DACH2: variants seen among roughly 807,000 people sequenced by gnomAD.
The protein encoded by DACH2 is dachshund homolog 2.
A neutral mutation model predicts 35.8 loss-of-function variants in DACH2; 17 were observed. The ratio of observed to expected loss-of-function variants is 0.48; its 90% CI spans 0.33 to 0.71. The LOEUF is 0.71. DACH2 is among the 30% of genes least tolerant of loss of function. The pLI, the probability that DACH2 is intolerant of heterozygous loss-of-function variation, is 0.02. For missense variants in DACH2, 469 were observed against 472.7 expected (o/e 0.99, Z 0.07); for synonymous variants, 195 against 177.3 (o/e 1.10, Z -0.79).
chrX:86,561,919 A>G (rs12558392), intron 3 of DACH2, among the ~76,000 whole-genome samples: 13,854 of 95,611 alleles, frequency 0.14, 1,287 homozygotes, highest in African/African-American at 0.3. Flanking sequence ...AAAAAAAAAA[A>G]AGAGAATTCA....
At chrX:86,435,335 T>G (rs2037050641) in intron 2 of DACH2, among the ~76,000 whole-genome samples, 1 of 111,874 alleles carries the variant, frequency 8.9e-6, no homozygotes, top group East Asian at 2.8e-4. Context: ...GGTTTTCAAG[T>G]TTGGTTAAAT....
rs187737043 is a variant in DACH2, at chrX:86,813,314, T to A, written c.1537+37T>A. ...AAGTTCAATTACAGAGTGAATATTATGTTGGGGGTATTTTCAATACTAATG... is the reference window on the plus strand; with the variant it reads ...AAGTTCAATTACAGAGTGAATATTAAGTTGGGGGTATTTTCAATACTAATG... On this transcript the variant is annotated intron_variant, in intron 9 of 11. Coordinates refer to ENST00000373125, the MANE Select transcript of DACH2 (RefSeq NM_053281.3). The A allele has an allele frequency of 3.6e-5, 41 of 1,126,316 alleles. 1 individual carries two copies. The Admixed American group carries it at 7.8e-4, about 21-fold the overall frequency. The allele number at this position is 1,126,316 out of a possible 1,213,427, so 92.8% of individuals were successfully genotyped here.
chrX:86,308,289 A>C (rs776135924), intron 1 of DACH2, among the ~76,000 whole-genome samples: 4 of 112,714 alleles, frequency 3.5e-5, no homozygotes, highest in African/African-American at 6.4e-5. Context: ...ACAAAATTTA[A>C]ATACAATGGG....
At chrX:86,217,598 GCAT>G (rs2032608297) in intron 1 of DACH2, among the ~76,000 whole-genome samples, 2 of 111,602 alleles carry the variant, frequency 1.8e-5, no homozygotes, top group South Asian at 7.5e-4. Context: ...CATATAAAAT[GCAT>G]ACAGTGTTAG....
At chrX:86,197,948 A>C (rs1036224689) in intron 1 of DACH2, among the ~76,000 whole-genome samples, 3 of 112,069 alleles carry the variant, frequency 2.7e-5, no homozygotes, top group Non-Finnish European at 3.8e-5. Context: ...ACCCAAAGAC[A>C]ACAGAATATA....
At chrX:86,178,356 T>C (rs1026519795) in intron 1 of DACH2, among the ~76,000 whole-genome samples, 1 of 111,604 alleles carries the variant, frequency 9.0e-6, no homozygotes, top group Non-Finnish European at 1.9e-5. Flanking sequence ...AAAGTGTTTA[T>C]GTTTTCTCTC....
At chrX:86,404,603 T>C (rs1478845420) in intron 2 of DACH2, among the ~76,000 whole-genome samples, 1 of 112,324 alleles carries the variant, frequency 8.9e-6, no homozygotes, top group African/African-American at 3.2e-5. Context: ...CAACCCTGCT[T>C]CTGGCTGCTT....
intron 1 of DACH2, among the ~76,000 whole-genome samples, chrX:86,322,063 G>C (rs1040725863): frequency 9.0e-6 from 1 of 110,646 alleles, no homozygotes; most frequent in Non-Finnish European, 1.9e-5. Context: ...ACCTCCAATG[G>C]TTCCTCCAAA....
At chrX:86,726,358 C>T (rs2041469736) in intron 6 of DACH2, among the ~76,000 whole-genome samples, 1 of 111,397 alleles carries the variant, frequency 9.0e-6, no homozygotes, top group African/African-American at 3.3e-5. Context: ...CAAAATTGCA[C>T]CAGGTGTGGG....
At chrX:86,653,314 C>T (rs1033775659) in intron 4 of DACH2, among the ~76,000 whole-genome samples, 3 of 111,590 alleles carry the variant, frequency 2.7e-5, no homozygotes, top group East Asian at 5.7e-4. Context: ...CTGTAGTATG[C>T]GGTTTTGTTT....
At chrX:86,257,581 G>C (rs148899818) in intron 1 of DACH2, among the ~76,000 whole-genome samples, 238 of 111,201 alleles carry the variant, frequency 2.1e-3, no homozygotes, top group African/African-American at 7.4e-3. Context: ...TTAATTTTTT[G>C]TGCTTTTGTA....
At chrX:86,281,358 A>G (rs2034024294) in intron 1 of DACH2, among the ~76,000 whole-genome samples, 1 of 111,715 alleles carries the variant, frequency 9.0e-6, no homozygotes, top group Non-Finnish European at 1.9e-5. Flanking sequence ...ACACAAATTA[A>G]TAAATGTAAT....
In DACH2 at chrX:86,326,361, G is replaced by A. The variant is rs773401277; in HGVS notation, c.489-50463G>A. Among the ~76,000 whole-genome samples the A allele has an allele frequency of 2.7e-5, 3 of 109,110 alleles. No individual in the cohort carries two copies. In the South Asian group the frequency reaches 1.2e-3, roughly 44 times the overall value. 94.7% of individuals were successfully genotyped at this position (109,110 alleles called of 115,157 possible). ...AGCCACCTGTAATTTCAGCTACTTG[G>A]AGGGCTGAGGCAGGAGAATTGCTTG... is the stretch of plus-strand genomic sequence containing the variant. On this transcript the variant is annotated intron_variant, in intron 1 of 11. Transcript: ENST00000373125.
intron 1 of DACH2, among the ~76,000 whole-genome samples, chrX:86,366,618 T>C (rs2035810202): frequency 9.0e-6 from 1 of 110,959 alleles, no homozygotes; most frequent in South Asian, 3.9e-4. Context: ...TGATACAGTT[T>C]GGATGTTTGT....
chrX:86,667,142 G>T (rs2040680519), intron 4 of DACH2, among the ~76,000 whole-genome samples: 1 of 101,974 alleles, frequency 9.8e-6, no homozygotes, highest in South Asian at 4.8e-4. Context: ...TGTAGTCCCA[G>T]CTGCTTGGGA....
chrX:86,646,221 A>G, intron 3 of DACH2, among the ~76,000 whole-genome samples: 1 of 110,915 alleles, frequency 9.0e-6, no homozygotes, highest in East Asian at 2.8e-4. Flanking sequence ...GTTCTCACTT[A>G]TAAGTGGGAG....
intron 2 of DACH2, among the ~76,000 whole-genome samples, chrX:86,474,821 C>T (rs1387309059): frequency 8.9e-6 from 1 of 111,916 alleles, no homozygotes; most frequent in Admixed American, 9.5e-5. Flanking sequence ...GCAACCTCCG[C>T]TTCCTGGGTT....
chrX:86,649,519 G>A (rs1020853538), intron 3 of DACH2, among the ~76,000 whole-genome samples: 3 of 110,689 alleles, frequency 2.7e-5, no homozygotes, highest in African/African-American at 9.8e-5. Flanking sequence ...TGGGGGACTG[G>A]AATTTTATAA....
At chrX:86,306,929 T>C (rs911231922) in intron 1 of DACH2, among the ~76,000 whole-genome samples, 2 of 111,491 alleles carry the variant, frequency 1.8e-5, no homozygotes, top group Non-Finnish European at 3.8e-5. Flanking sequence ...GGCTGCTTAA[T>C]ATGAGTAGAC....
Sources: gnomAD v4.1 joint callset for allele counts (sites outside exome capture counted in the v4.1 genomes callset) on GRCh38, gnomAD v4.1.1 for gene constraint, MANE v1.5 for transcripts, NCBI Gene and HGNC (gene_info 2026-07-23, HGNC 2026-07-21) for gene names.